The following DYNAP variants were observed in gnomAD, a reference collection of about 807,000 sequenced individuals.
The protein encoded by DYNAP is dynactin associated protein.
Under a neutral mutation model 8.5 loss-of-function variants are expected in DYNAP, and 7 were observed. The observed-to-expected ratio is 0.82, with a 90% CI of 0.47 to 1.54. DYNAP has a LOEUF of 1.54. Among genes scored for constraint, DYNAP ranks in the 40% most tolerant of loss-of-function variants. The pLI is 0.01. For synonymous variants in DYNAP, 77 were observed against 77.9 expected (o/e 0.99, Z 0.06); for missense variants, 256 against 224.3 (o/e 1.14, Z -0.90).
In DYNAP at chr18:54,599,416, A is replaced by G. The variant is rs1484560892; in HGVS notation, c.*1271A>G. 1.3e-5 allele frequency: 2 copies of G among 152,076 alleles called. No homozygotes were observed. The highest frequency in any genetic ancestry group is 2.9e-5 in the Non-Finnish European group (2 of 67,974). 9.4% of individuals were successfully genotyped at this position (152,076 alleles called of 1,614,324 possible). On this transcript the variant is annotated 3_prime_UTR_variant, in exon 3 of 3. Coordinates refer to ENST00000648945, the MANE Select transcript of DYNAP (RefSeq NM_173629.3). Reference sequence around the variant, plus strand: ...TACTCGCCACACTGGCTCTTCCCCAAAATTGAAATTGTACAATATGTGAGT... The same window carrying G: ...TACTCGCCACACTGGCTCTTCCCCAGAATTGAAATTGTACAATATGTGAGT...
At position 54,598,498 on chromosome 18, in the gene DYNAP, T is replaced by G. The variant is rs550873780; in HGVS notation, c.*353T>G. 136 of 206,076 alleles carry G rather than the reference T, an allele frequency of 6.6e-4. No individual in the cohort carries two copies. Among genetic ancestry groups the G allele is most frequent in the African/African-American group, 2.8e-3 (125 of 44,032 alleles). 12.8% of individuals were successfully genotyped at this position (206,076 alleles called of 1,614,324 possible). A position where few individuals can be genotyped will look rare whatever the true frequency, so the allele number is the denominator to read the frequency against. ...TCCAACAATGTATAATCTCCACCTA[T>G]TCATCTGAGGACTAAGCTCTGATTT... On this transcript the variant is annotated 3_prime_UTR_variant, in exon 3 of 3. Coordinates refer to ENST00000648945, the MANE Select transcript of DYNAP (RefSeq NM_173629.3).
upstream of DYNAP, among the ~76,000 whole-genome samples, chr18:54,590,010 A>T (rs1911008280): frequency 6.6e-6 from 1 of 152,168 alleles, no homozygotes; most frequent in Non-Finnish European, 1.5e-5. Flanking sequence ...GGTAAAATAC[A>T]TATAACACAA....
intron 1 of DYNAP, among the ~76,000 whole-genome samples, chr18:54,593,653 A>G (rs563339323): frequency 6.6e-6 from 1 of 152,158 alleles, no homozygotes; most frequent in Non-Finnish European, 1.5e-5. Flanking sequence ...GGCTGGGTAC[A>G]GAAGCTCATA....
upstream of DYNAP, among the ~76,000 whole-genome samples, chr18:54,589,071 G>C (rs557644282): frequency 6.6e-6 from 1 of 152,250 alleles, no homozygotes; most frequent in South Asian, 2.1e-4. Context: ...GTAGACCAAA[G>C]AAATAATAAT....
rs747217638 is a variant in DYNAP, at chr18:54,598,099, C to T, written c.509C>T (p.Thr170Ile). 21 of 1,613,370 alleles carry T rather than the reference C, an allele frequency of 1.3e-5. No homozygotes were observed. Among genetic ancestry groups the T allele is most frequent in the Non-Finnish European group, 1.8e-5 (21 of 1,179,644 alleles). ...ACAACTTCAACAGCTACAGCTGCCA[C>T]CACTTCCACAGAACCTATAACTGTT... ...ESTTSTATAATTSTEPITVAP... is the reference protein window; with the variant it reads ...ESTTSTATAAITSTEPITVAP... The change falls in exon 3 of 3, where the codon ACC (threonine) becomes ATC (isoleucine). Residue 170 changes from threonine (T) to isoleucine (I), a missense_variant. Thr to Ile is a moderately conservative substitution (Grantham distance 89). Coordinates refer to ENST00000648945, the MANE Select transcript of DYNAP (RefSeq NM_173629.3).
the DYNAP span, among the ~76,000 whole-genome samples, chr18:54,577,234 G>C: frequency 3.9e-5 from 6 of 152,242 alleles, no homozygotes; most frequent in Admixed American, 3.3e-4. Flanking sequence ...TACTGTGCAG[G>C]AGAGAAGAAA....
At chr18:54,587,321 G>A (rs1470782), upstream of DYNAP, among the ~76,000 whole-genome samples, 72,116 of 151,932 alleles carry the variant, frequency 0.47, 18,186 homozygotes, top group East Asian at 0.69. Context: ...GGATGCGGAG[G>A]TGGGAGGGTT....
At chr18:54,584,577 T>C (rs917192486), upstream of DYNAP, among the ~76,000 whole-genome samples, 1 of 152,126 alleles carries the variant, frequency 6.6e-6, no homozygotes, top group Non-Finnish European at 1.5e-5. Flanking sequence ...TTTTAAACCA[T>C]GTAAACTATA....
At chr18:54,590,381 T>A (rs1042876272), upstream of DYNAP, among the ~76,000 whole-genome samples, 15 of 152,198 alleles carry the variant, frequency 9.9e-5, no homozygotes, top group African/African-American at 3.4e-4. Flanking sequence ...TCCCAGTTTT[T>A]CAATTCCTTG....
upstream of DYNAP, among the ~76,000 whole-genome samples, chr18:54,583,567 C>T (rs764576744): frequency 1.2e-3 from 176 of 152,284 alleles, 2 homozygotes; most frequent in Admixed American, 1.8e-3. Context: ...AAATCACTTA[C>T]ATCTTCATAG....
upstream of DYNAP, among the ~76,000 whole-genome samples, chr18:54,584,681 A>G (rs1168474784): frequency 2.0e-5 from 3 of 152,214 alleles, no homozygotes; most frequent in Non-Finnish European, 4.4e-5. Context: ...AGGAAGAGAG[A>G]GAAGGGCAGG....
chr18:54,584,744 A>T (rs772118227), upstream of DYNAP, among the ~76,000 whole-genome samples: 1 of 152,198 alleles, frequency 6.6e-6, no homozygotes, highest in Non-Finnish European at 1.5e-5. Flanking sequence ...CATGTAAAAC[A>T]ATGTTATCAC....
At chr18:54,590,818 G>T (rs1292456954), upstream of DYNAP, among the ~76,000 whole-genome samples, 1 of 152,164 alleles carries the variant, frequency 6.6e-6, no homozygotes, top group Non-Finnish European at 1.5e-5. Flanking sequence ...CACCAACCCA[G>T]GGACTGAAAA....
chr18:54,577,453 C>T, the DYNAP span, among the ~76,000 whole-genome samples: 9 of 151,602 alleles, frequency 5.9e-5, no homozygotes, highest in African/African-American at 1.2e-4. Context: ...TGGTGGCACA[C>T]GCCTGTGGTC....
the DYNAP span, among the ~76,000 whole-genome samples, chr18:54,579,521 A>T: frequency 2.6e-5 from 4 of 152,242 alleles, no homozygotes; most frequent in Non-Finnish European, 4.4e-5. Context: ...TTGCCTTGAT[A>T]AAAGAAACAA....
At position 54,598,246 on chromosome 18, in the gene DYNAP, C is replaced by T. The variant is rs1911399677; in HGVS notation, c.*101C>T. ...CTACTCCTATCACTTCAAGTGGAAT[C>T]ATGGCTGCAGTCACTTTAACAGACT... On this transcript the variant is annotated 3_prime_UTR_variant, in exon 3 of 3. Transcript: ENST00000648945. The T allele has an allele frequency of 8.0e-7, 1 of 1,251,162 alleles. No individual in the cohort carries two copies. The highest frequency in any genetic ancestry group is 1.5e-5 in the African/African-American group (1 of 66,376). 77.5% of individuals were successfully genotyped at this position (1,251,162 alleles called of 1,614,324 possible).
the DYNAP span, among the ~76,000 whole-genome samples, chr18:54,579,807 C>T: frequency 6.6e-6 from 1 of 152,134 alleles, no homozygotes; most frequent in Admixed American, 6.5e-5. Flanking sequence ...GAAAGCACTC[C>T]AGTTAAATAA....
At chr18:54,595,579 G>A (rs1037961163) in intron 2 of DYNAP, among the ~76,000 whole-genome samples, 1 of 152,036 alleles carries the variant, frequency 6.6e-6, no homozygotes, top group African/African-American at 2.4e-5. Flanking sequence ...AGCTCCCTGG[G>A]TTCTGGCCTC....
At chr18:54,597,292 T>C (rs1037335017) in intron 2 of DYNAP, among the ~76,000 whole-genome samples, 3 of 152,058 alleles carry the variant, frequency 2.0e-5, no homozygotes, top group Non-Finnish European at 4.4e-5. Flanking sequence ...GTAGTGAGAC[T>C]GCTCTGCATG....
Sources: allele counts gnomAD v4.1 joint callset (sites outside exome capture counted in the v4.1 genomes callset), GRCh38; gene constraint gnomAD v4.1.1; transcripts MANE v1.5; gene names NCBI Gene and HGNC (gene_info 2026-07-23, HGNC 2026-07-21).